Variants in CDH12 observed in about 807,000 individuals in gnomAD.
CDH12 encodes cadherin-12.
CDH12 carries 41 observed loss-of-function variants against 74.1 expected under a neutral mutation model. That is an observed-to-expected ratio of 0.55 (90% CI 0.43 to 0.72). The LOEUF (loss-of-function observed/expected upper bound fraction) is 0.72, where lower values mean the gene tolerates loss of function less well. Ranked by LOEUF, CDH12 falls within the 30% of genes least tolerant of loss-of-function variation. The pLI is 0.00. For missense variants in CDH12, 945 were observed against 977.2 expected (o/e 0.97, Z 0.44); for synonymous variants, 399 against 355.0 (o/e 1.12, Z -1.39).
At chr5:21,889,821 C>T in intron 6 of CDH12, 1 of 985,264 alleles carries the variant, frequency 1.0e-6, no homozygotes, top group Non-Finnish European at 1.2e-6. Context: ...TGATGAAGAA[C>T]AGCTGCCTTT....
chr5:22,303,935 A>T (rs568630288), intron 3 of CDH12, among the ~76,000 whole-genome samples: 2 of 152,132 alleles, frequency 1.3e-5, no homozygotes, highest in African/African-American at 2.4e-5. Context: ...ATATTTTAGG[A>T]TCATATTAAT....
At chr5:22,293,621 T>C (rs540263471) in intron 3 of CDH12, among the ~76,000 whole-genome samples, 77 of 150,872 alleles carry the variant, frequency 5.1e-4, no homozygotes, top group African/African-American at 1.7e-3. Context: ...CATATACATA[T>C]ACACACACAC....
At chr5:22,839,064 C>T (rs1736970148) in intron 1 of CDH12, among the ~76,000 whole-genome samples, 1 of 151,994 alleles carries the variant, frequency 6.6e-6, no homozygotes, top group African/African-American at 2.4e-5. Context: ...TTTGTTAACA[C>T]GATTATGTCT....
chr5:21,905,604 T>C (rs1753604833), intron 6 of CDH12, among the ~76,000 whole-genome samples: 1 of 152,198 alleles, frequency 6.6e-6, no homozygotes, highest in African/African-American at 2.4e-5. Context: ...TCTCTCAGAC[T>C]CCCAATTCCA....
intron 1 of CDH12, among the ~76,000 whole-genome samples, chr5:22,778,523 C>A (rs1305319408): frequency 6.6e-6 from 1 of 152,052 alleles, no homozygotes; most frequent in African/African-American, 2.4e-5. Context: ...CCTCAACAAA[C>A]TATGAGAACT....
At chr5:22,808,835 T>C (rs970184916) in intron 1 of CDH12, among the ~76,000 whole-genome samples, 3 of 149,126 alleles carry the variant, frequency 2.0e-5, no homozygotes, top group African/African-American at 7.4e-5. Context: ...TCTCAATCTC[T>C]TGACCTTGTG....
intron 3 of CDH12, among the ~76,000 whole-genome samples, chr5:22,372,564 A>T (rs549451428): frequency 6.6e-6 from 1 of 152,264 alleles, no homozygotes; most frequent in African/African-American, 2.4e-5. Context: ...TGCGACATGC[A>T]AGGGAGTTGA....
chr5:21,991,810 T>C (rs1757767127), intron 5 of CDH12, among the ~76,000 whole-genome samples: 1 of 151,656 alleles, frequency 6.6e-6, no homozygotes, highest in Non-Finnish European at 1.5e-5. Context: ...GCAGAAAAAA[T>C]AAATACAAGA....
intron 1 of CDH12, among the ~76,000 whole-genome samples, chr5:22,744,356 G>A (rs1215270045): frequency 2.0e-5 from 3 of 151,928 alleles, no homozygotes; most frequent in African/African-American, 7.2e-5. Flanking sequence ...ATGAACCTGG[G>A]AGGCAGAGGT....
chr5:21,917,100 T>C (rs989617180), intron 6 of CDH12, among the ~76,000 whole-genome samples: 1 of 152,172 alleles, frequency 6.6e-6, no homozygotes, highest in African/African-American at 2.4e-5. Context: ...TTTAACATTT[T>C]TCAGGTGTGG....
intron 3 of CDH12, among the ~76,000 whole-genome samples, chr5:22,214,244 TG>T (rs1751707068): frequency 6.6e-6 from 1 of 152,072 alleles, no homozygotes; most frequent in Non-Finnish European, 1.5e-5. Flanking sequence ...CCCCAGGAGA[TG>T]GGGCTGTAGC....
chr5:22,654,190 TTTCTTTC>T (rs1364088659), intron 1 of CDH12, among the ~76,000 whole-genome samples: 1 of 151,492 alleles, frequency 6.6e-6, no homozygotes, highest in Admixed American at 6.6e-5. Context: ...TCTTTCTTTC[TTTCTTTC>T]TTTTCTTTCT....
intron 4 of CDH12, among the ~76,000 whole-genome samples, chr5:22,153,901 T>TAG (rs1448948559): frequency 1.8e-5 from 1 of 54,560 alleles, no homozygotes; most frequent in Non-Finnish European, 4.1e-5. Flanking sequence ...TATATATATA[T>TAG]ATACACACAC....
chr5:22,239,461 G>C (rs1366574913), intron 3 of CDH12, among the ~76,000 whole-genome samples: 2 of 152,032 alleles, frequency 1.3e-5, no homozygotes, highest in Non-Finnish European at 1.5e-5. Flanking sequence ...ATGCTAAGCA[G>C]TATCTTCACA....
intron 3 of CDH12, among the ~76,000 whole-genome samples, chr5:22,216,333 G>A (rs900186202): frequency 9.9e-5 from 15 of 151,800 alleles, no homozygotes; most frequent in Admixed American, 2.6e-4. Flanking sequence ...GACTTTTCCT[G>A]ATCTTGGCTA....
chr5:21,830,198 T>TAAAAAAAA (rs1561221170), intron 8 of CDH12, among the ~76,000 whole-genome samples: 1 of 28,114 alleles, frequency 3.6e-5, no homozygotes, highest in East Asian at 1.7e-3. Flanking sequence ...AAACTCCTTC[T>TAAAAAAAA]CAAAAAAAAA....
intron 6 of CDH12, among the ~76,000 whole-genome samples, chr5:21,970,872 A>AAAAAAAAAAAAAAAAC: frequency 7.2e-6 from 1 of 139,850 alleles, no homozygotes; most frequent in African/African-American, 2.8e-5. Flanking sequence ...AAAAAAAAAA[A>AAAAAAAAAAAAAAAAC]AAGAAAAAAG....
At chr5:22,072,357 T>C (rs1219648757) in intron 5 of CDH12, among the ~76,000 whole-genome samples, 2 of 152,108 alleles carry the variant, frequency 1.3e-5, no homozygotes, top group African/African-American at 4.8e-5. Flanking sequence ...CCTTGAAGTT[T>C]CAAGCCTCAG....
At chr5:22,385,172 T>A (rs1201740094) in intron 3 of CDH12, among the ~76,000 whole-genome samples, 1 of 152,216 alleles carries the variant, frequency 6.6e-6, no homozygotes, top group Non-Finnish European at 1.5e-5. Flanking sequence ...ATTCTTTAGA[T>A]ACTTGGATCA....
Sources: gnomAD v4.1 joint callset for allele counts (sites outside exome capture counted in the v4.1 genomes callset) on GRCh38, gnomAD v4.1.1 for gene constraint, MANE v1.5 for transcripts, NCBI Gene and HGNC (gene_info 2026-07-23, HGNC 2026-07-21) for gene names.